The following KIF18B variants were observed in gnomAD, a reference collection of about 807,000 sequenced individuals.
The protein encoded by KIF18B is kinesin family member 18B, also known as kinesin-like protein KIF18B.
KIF18B carries 49 observed loss-of-function variants against 80.9 expected under a neutral mutation model. The observed-to-expected ratio is 0.61, with a 90% CI of 0.48 to 0.77. KIF18B has a LOEUF of 0.77. Ranked by LOEUF, KIF18B falls within the 30% of genes least tolerant of loss-of-function variation. KIF18B has a pLI of 0.00. For missense variants in KIF18B, 994 were observed against 1,127.7 expected, an observed-to-expected ratio of 0.88 and a Z score of 1.70; for synonymous variants, 439 against 463.9, an observed-to-expected ratio of 0.95 and a Z score of 0.69.
At chr17:44,938,880 A>G (rs537088915) in intron 1 of KIF18B, among the ~76,000 whole-genome samples, 6 of 152,058 alleles carry the variant, frequency 3.9e-5, no homozygotes, top group Admixed American at 3.9e-4. Flanking sequence ...CCCCGTCTCT[A>G]CTGAAAATAC....
In KIF18B at chr17:44,932,066, G is replaced by A; in HGVS notation, c.1379C>T (p.Pro460Leu). 1 of 1,611,314 alleles carries A rather than the reference G, an allele frequency of 6.2e-7. No homozygotes were observed. Among genetic ancestry groups the A allele is most frequent in the Non-Finnish European group, 8.5e-7 (1 of 1,178,182 alleles). The change falls in exon 10 of 16, where the codon CCA becomes CTA. Residue 460 changes from proline (P) to leucine (L), a missense_variant. By Grantham distance (98) the Pro-to-Leu change is moderately conservative. Transcript: ENST00000593135. ...ACCCCCAAGTCCTACCTCCTCAGCT[G>A]GGCCTTCATCCTCATCCTCTGGGGA... ...EQSPEDEDEG[P>L]AEEVPTQMPE... is the part of the protein sequence containing the mutation.
intron 1 of KIF18B, among the ~76,000 whole-genome samples, chr17:44,939,626 A>G (rs1333531995): frequency 2.0e-5 from 3 of 152,122 alleles, no homozygotes; most frequent in Non-Finnish European, 2.9e-5. Flanking sequence ...GATTAATATG[A>G]GGAAAATTGG....
chr17:44,936,461 C>T, intron 1 of KIF18B, 103 bp from the exon 2 acceptor site: 1 of 942,216 alleles, frequency 1.1e-6, no homozygotes, highest in Non-Finnish European at 1.6e-6. Context: ...AATGACTGGT[C>T]TCTGTTTTAT....
Position 44,932,069 on chromosome 17 carries a change from C to A in KIF18B, c.1376G>T (p.Gly459Val). Residue 459 changes from glycine (G) to valine (V), a missense_variant, in exon 10 of 16, where the codon GGC becomes GTC. By Grantham distance (109) the Gly-to-Val change is moderately radical. Transcript: ENST00000593135. Reference sequence around the variant, plus strand: ...CCCAAGTCCTACCTCCTCAGCTGGGCCTTCATCCTCATCCTCTGGGGACTG... The same window carrying A: ...CCCAAGTCCTACCTCCTCAGCTGGGACTTCATCCTCATCCTCTGGGGACTG... ...QEQSPEDEDE[G>V]PAEEVPTQMP... 1 of 1,611,866 alleles carries A rather than the reference C, an allele frequency of 6.2e-7. No homozygotes were observed.
chr17:44,931,963 A>G, intron 10 of KIF18B, 93 bp downstream of exon 10: 1 of 1,383,706 alleles, frequency 7.2e-7, no homozygotes, highest in Non-Finnish European at 9.9e-7. Context: ...AGACGGGACT[A>G]AAGGGACTCT....
At position 44,936,592 on chromosome 17, in the gene KIF18B, CTCTCTCTATATA is replaced by C. The variant is rs1182000227; in HGVS notation, c.-14-246_-14-235del. Among the ~76,000 whole-genome samples, 232 of 53,026 alleles carry C rather than the reference CTCTCTCTATATA, an allele frequency of 4.4e-3. 1 individual carries two copies. Among genetic ancestry groups the C allele is most frequent in the Non-Finnish European group, 5.9e-3 (163 of 27,568 alleles). 34.8% of individuals were successfully genotyped at this position (53,026 alleles called of 152,430 possible). A position where few individuals can be genotyped will look rare whatever the true frequency, so the allele number is the denominator to read the frequency against. On this transcript the variant is annotated intron_variant, in intron 1 of 15. Coordinates refer to ENST00000593135, the MANE Select transcript of KIF18B (RefSeq NM_001265577.2). ...TCTCTCTCTCTCTCTCTCTCTCTCT[CTCTCTCTATATA>C]TATATATATATATATATATATTTTT...
At chr17:44,931,980 G>T in intron 10 of KIF18B, 76 bp downstream of exon 10, 1 of 1,490,718 alleles carries the variant, frequency 6.7e-7, no homozygotes, top group South Asian at 1.3e-5. Context: ...CTCTGAGTCA[G>T]GGAGAGGCAA....
rs969048241 is a variant in KIF18B at position 44,945,330 on chromosome 17, G to A, written c.-15+2298C>T. 2.0e-5 allele frequency among the ~76,000 whole-genome samples: 3 copies of A among 152,240 alleles called. No homozygotes were observed. In the East Asian group the frequency reaches 5.8e-4, roughly 29 times the overall value. On this transcript the variant is annotated intron_variant, in intron 1 of 15. Coordinates refer to ENST00000593135, the MANE Select transcript of KIF18B (RefSeq NM_001265577.2). Reference sequence around the variant, plus strand: ...CCCGCCTTGGTTTCCCAAACTGCTGGGATTACAGGCGTGAGCCACCATGCC... The same window carrying A: ...CCCGCCTTGGTTTCCCAAACTGCTGAGATTACAGGCGTGAGCCACCATGCC...
chr17:44,932,076 C>A lies in KIF18B; in HGVS notation c.1369G>T (p.Asp457Tyr), dbSNP rs1182757675. The A allele has an allele frequency of 6.2e-7, 1 of 1,613,166 alleles. No individual in the cohort carries two copies. The highest frequency in any genetic ancestry group is 8.5e-7 in the Non-Finnish European group (1 of 1,179,598). Reference protein sequence around the residue: ...SDQEQSPEDEDEGPAEEVPTQ... With the variant: ...SDQEQSPEDEYEGPAEEVPTQ... Reference sequence around the variant, plus strand: ...CCTACCTCCTCAGCTGGGCCTTCATCCTCATCCTCTGGGGACTGCTCCTGG... The same window carrying A: ...CCTACCTCCTCAGCTGGGCCTTCATACTCATCCTCTGGGGACTGCTCCTGG... The change falls in exon 10 of 16, where the codon GAT becomes TAT. Residue 457 changes from aspartate to tyrosine, a missense_variant. Physicochemically the swap from Asp to Tyr is radical, Grantham distance 160. Transcript: ENST00000593135.
chr17:44,943,064 C>T (rs2052447939), intron 1 of KIF18B, among the ~76,000 whole-genome samples: 1 of 152,110 alleles, frequency 6.6e-6, no homozygotes, highest in Non-Finnish European at 1.5e-5. Context: ...CTGGTTCTTC[C>T]TACATGTTGT....
chr17:44,943,571 C>T (rs2052459130), intron 1 of KIF18B, among the ~76,000 whole-genome samples: 1 of 152,112 alleles, frequency 6.6e-6, no homozygotes, highest in South Asian at 2.1e-4. Flanking sequence ...TGCCCCTTTC[C>T]TGATTTTATA....
intron 7 of KIF18B, among the ~76,000 whole-genome samples, chr17:44,933,712 C>T (rs1017392473): frequency 1.3e-5 from 2 of 152,014 alleles, no homozygotes; most frequent in Non-Finnish European, 2.9e-5. Flanking sequence ...AGGCTGGTCT[C>T]GAACTCCTGA....
intron 1 of KIF18B, among the ~76,000 whole-genome samples, chr17:44,938,926 C>T (rs1227413438): frequency 6.6e-6 from 1 of 152,140 alleles, no homozygotes; most frequent in East Asian, 1.9e-4. Context: ...TGCCTGTAGT[C>T]CCAGCTACTT....
intron 1 of KIF18B, among the ~76,000 whole-genome samples, chr17:44,941,998 C>T (rs2052429636): frequency 6.6e-6 from 1 of 151,988 alleles, no homozygotes; most frequent in African/African-American, 2.4e-5. Flanking sequence ...CTTGGCATAG[C>T]CGCCGCTAGG....
At chr17:44,937,977 TACACACACAC>T (rs57130293) in intron 1 of KIF18B, among the ~76,000 whole-genome samples, 1,507 of 144,036 alleles carry the variant, frequency 0.01, 23 homozygotes, top group African/African-American at 0.035. Flanking sequence ...AGCATCTCCA[TACACACACAC>T]ACACACACAC....
In KIF18B at chr17:44,926,562, T is replaced by C. The variant is rs1223281474; in HGVS notation, c.2367-63A>G. On this transcript the variant is annotated intron_variant, in intron 14 of 15. Coordinates refer to ENST00000593135, the MANE Select transcript of KIF18B (RefSeq NM_001265577.2). Reference sequence around the variant, plus strand: ...CCTGTCTCTGGACTATGGGTGTGCATTGAAGTGGGGCATATAAGTACTTGA... The same window carrying C: ...CCTGTCTCTGGACTATGGGTGTGCACTGAAGTGGGGCATATAAGTACTTGA... 13 of 1,442,552 alleles carry C rather than the reference T, an allele frequency of 9.0e-6. No homozygotes were observed. The African/African-American group carries it at 1.0e-4, about 11-fold the overall frequency. The allele number at this position is 1,442,552 out of a possible 1,614,324, so 89.4% of individuals were successfully genotyped here.
At chr17:44,929,262 GA>G (rs2052099154) in intron 11 of KIF18B, among the ~76,000 whole-genome samples, 2 of 152,234 alleles carry the variant, frequency 1.3e-5, no homozygotes, top group South Asian at 4.1e-4. Context: ...GTAATGGTGG[GA>G]GGTGTCACCC....
At chr17:44,931,217 G>A (rs1475383055) in intron 11 of KIF18B, among the ~76,000 whole-genome samples, 3 of 152,216 alleles carry the variant, frequency 2.0e-5, no homozygotes, top group Admixed American at 6.5e-5. Context: ...CACTGGCTCA[G>A]GAAGGCTGTC....
chr17:44,939,849 A>G (rs1329240680), intron 1 of KIF18B, among the ~76,000 whole-genome samples: 1 of 152,000 alleles, frequency 6.6e-6, no homozygotes, highest in Non-Finnish European at 1.5e-5. Context: ...GAGTCTCGCT[A>G]TCGCCCAGGC....
Sources: allele counts gnomAD v4.1 joint callset (sites outside exome capture counted in the v4.1 genomes callset), GRCh38; gene constraint gnomAD v4.1.1; transcripts MANE v1.5; gene names NCBI Gene and HGNC (gene_info 2026-07-23, HGNC 2026-07-21).